Variants in PHACTR2 observed in about 807,000 individuals in gnomAD.
PHACTR2 encodes phosphatase and actin regulator 2.
A neutral mutation model predicts 76.0 loss-of-function variants in PHACTR2; 30 were observed. That is an observed-to-expected ratio of 0.39 (90% CI 0.30 to 0.54). PHACTR2 has a LOEUF of 0.54. Among genes scored for constraint, PHACTR2 ranks in the 20% least tolerant of loss-of-function variants. PHACTR2 has a pLI of 0.61. For missense variants in PHACTR2, 696 were observed against 781.1 expected, an observed-to-expected ratio of 0.89 and a Z score of 1.30; for synonymous variants, 292 against 292.5, an observed-to-expected ratio of 1.00 and a Z score of 0.02.
In PHACTR2 at chr6:143,821,373, A is replaced by T. The variant is rs185301310; in HGVS notation, c.1923-2301A>T. ...ATCAATTCGTGGCCCATCTCATTTC[A>T]CCTGCTCTTATTTTTTAGTTTTTCA... On this transcript the variant is annotated intron_variant, in intron 12 of 12. Transcript: ENST00000440869. The surrounding 1 kb of genome is among the most constrained non-coding windows in gnomAD (Gnocchi z 5.2). Among the ~76,000 whole-genome samples, 61 of 152,290 alleles carry T rather than the reference A, an allele frequency of 4.0e-4. 2 individuals are homozygous for T. The highest frequency in any genetic ancestry group is 3.2e-3 in the Admixed American group (49 of 15,296).
chr6:143,612,489 ACT>A (rs1450009747), intron 1 of PHACTR2, among the ~76,000 whole-genome samples: 1 of 151,902 alleles, frequency 6.6e-6, no homozygotes, highest in African/African-American at 2.4e-5. Flanking sequence ...ATGTTTGCAA[ACT>A]CTATTTTTTG....
rs563443001 is a variant in PHACTR2 at position 143,686,709 on chromosome 6, ACTC to A, written c.46+8503_46+8505del. Among the ~76,000 whole-genome samples, 7 of 151,644 alleles carry A rather than the reference ACTC, an allele frequency of 4.6e-5. No individual in the cohort carries two copies. The South Asian group carries it at 1.5e-3, about 32-fold the overall frequency. On this transcript the variant is annotated intron_variant, in intron 1 of 12. Transcript: ENST00000440869. ...ATCATGTTGGCCAGGCTCGTCTCGA[ACTC>A]CTGACCTCGTGATCCACCTGCCTCG...
At chr6:143,643,199 G>T (rs1344711145) in intron 1 of PHACTR2, among the ~76,000 whole-genome samples, 2 of 151,216 alleles carry the variant, frequency 1.3e-5, no homozygotes, top group Non-Finnish European at 2.9e-5. Context: ...TCTTTTTTTT[G>T]CAAAAAATAT....
upstream of PHACTR2, chr6:143,677,964 C>T: frequency 7.4e-7 from 1 of 1,354,830 alleles, no homozygotes; most frequent in Non-Finnish European, 9.6e-7. Context: ...GAATGACAGG[C>T]ATCCGCTGGG....
At chr6:143,771,205 T>TAC (rs1343840665) in intron 6 of PHACTR2, among the ~76,000 whole-genome samples, 61 of 85,460 alleles carry the variant, frequency 7.1e-4, no homozygotes, top group African/African-American at 2.9e-3. Context: ...TATATATATA[T>TAC]ATATATATAT....
rs1231396233 is a variant in PHACTR2 at position 143,791,620 on chromosome 6, C to A, written c.1845+2710C>A. ...TGCTAGTTCTATTCAGATTTCTGTACCCTTAGTTATTTTTTTGTCAGTTTG... is the reference window on the plus strand; with the variant it reads ...TGCTAGTTCTATTCAGATTTCTGTAACCTTAGTTATTTTTTTGTCAGTTTG... On this transcript the variant is annotated intron_variant, in intron 11 of 12. Coordinates refer to ENST00000440869, the MANE Select transcript of PHACTR2 (RefSeq NM_001100164.2). The surrounding 1 kb of genome is among the most constrained non-coding windows in gnomAD (Gnocchi z 4.7). Among the ~76,000 whole-genome samples, 1 of 152,072 alleles carries A rather than the reference C, an allele frequency of 6.6e-6. No individual in the cohort carries two copies. The highest frequency in any genetic ancestry group is 2.4e-5 in the African/African-American group (1 of 41,504).
Position 143,793,400 on chromosome 6 carries a change from CTT to C in PHACTR2, c.1845+4492_1845+4493del, listed in dbSNP as rs1019376158. Among the ~76,000 whole-genome samples, 19 of 152,090 alleles carry C rather than the reference CTT, an allele frequency of 1.2e-4. No individual in the cohort carries two copies. Among genetic ancestry groups the C allele is most frequent in the African/African-American group, 4.6e-4 (19 of 41,402 alleles). On this transcript the variant is annotated intron_variant, in intron 11 of 12. Transcript: ENST00000440869. The surrounding 1 kb of genome is among the most constrained non-coding windows in gnomAD (Gnocchi z 4.4). ...TCATGAGTGCTTTGAAGGCATATGACTTTGACATCTCCCTTGCAGATCTGAGC... is the reference window on the plus strand; with the variant it reads ...TCATGAGTGCTTTGAAGGCATATGACTGACATCTCCCTTGCAGATCTGAGC...
rs1167716980 is a variant in PHACTR2 at position 143,610,570 on chromosome 6, C to T, written c.13+2248C>T. Among the ~76,000 whole-genome samples, 1 of 152,194 alleles carries T rather than the reference C, an allele frequency of 6.6e-6. No individual in the cohort carries two copies. Among genetic ancestry groups the T allele is most frequent in the African/African-American group, 2.4e-5 (1 of 41,448 alleles). The stretch of plus-strand genomic sequence containing the variant: ...GGGTCCACACAGGTTGAATGTCCCT[C>T]ATTTATTCAAGTCACATAGAACGCT... On this transcript the variant is annotated intron_variant, in intron 1 of 11. Coordinates refer to the PHACTR2 transcript ENST00000305766. The surrounding 1 kb of genome is among the most constrained non-coding windows in gnomAD (Gnocchi z 4.9).
At chr6:143,676,964 A>G (rs896722805), upstream of PHACTR2, among the ~76,000 whole-genome samples, 1 of 146,850 alleles carries the variant, frequency 6.8e-6, no homozygotes, top group African/African-American at 2.7e-5. The surrounding 1 kb of genome is among the most constrained non-coding windows in gnomAD (Gnocchi z 4.8). Flanking sequence ...TAAAAATTTT[A>G]GAAAAAAATG....
At chr6:143,603,413 TAA>T (rs540737549), upstream of PHACTR2, among the ~76,000 whole-genome samples, 4 of 139,252 alleles carry the variant, frequency 2.9e-5, no homozygotes, top group African/African-American at 2.7e-5. Flanking sequence ...TGCTCTGCCT[TAA>T]AAAAAAAAAA....
intron 2 of PHACTR2, among the ~76,000 whole-genome samples, chr6:143,720,454 G>GA (rs1000825866): frequency 9.9e-5 from 15 of 152,074 alleles, no homozygotes; most frequent in African/African-American, 3.6e-4. Context: ...GGAGGGAAGG[G>GA]AAAGCACTGA....
intron 6 of PHACTR2, among the ~76,000 whole-genome samples, chr6:143,771,174 GTATATATATATATATGTGTGTATA>G (rs1775110833): frequency 2.9e-5 from 2 of 68,896 alleles, no homozygotes; most frequent in Admixed American, 3.5e-4. Context: ...ATATATATAT[GTATATATATATATATGTGTGTATA>G]TATATATATA....
Position 143,755,435 on chromosome 6 carries a change from C to A in PHACTR2, c.454+1523C>A. On this transcript the variant is annotated intron_variant, in intron 4 of 12. Coordinates refer to ENST00000440869, the MANE Select transcript of PHACTR2 (RefSeq NM_001100164.2). This position sits in a 1 kb window ranked among gnomAD's most constrained non-coding sequence, Gnocchi z 5.2. ...TGCAGGGTATTCGTCACTGGACTGG[C>A]CAGACATCAAAGGAAGTGTTTCCCT... The A allele has an allele frequency of 2.3e-6, 1 of 439,210 alleles. No homozygotes were observed. Among genetic ancestry groups the A allele is most frequent in the South Asian group, 1.6e-5 (1 of 61,982 alleles). The allele number at this position is 439,210 out of a possible 1,614,324, so 27.2% of individuals were successfully genotyped here.
At chr6:143,661,887 G>A (rs1015846969) in intron 1 of PHACTR2, among the ~76,000 whole-genome samples, 1 of 152,034 alleles carries the variant, frequency 6.6e-6, no homozygotes, top group Non-Finnish European at 1.5e-5. Flanking sequence ...TCTCAAAATT[G>A]CAAGTTCTCT....
rs908134584 is a variant in PHACTR2 at position 143,546,300 on chromosome 6, A to G, written c.217+9093A>G. Among the ~76,000 whole-genome samples the G allele has an allele frequency of 6.6e-5, 10 of 152,062 alleles. No individual in the cohort carries two copies. The highest frequency in any genetic ancestry group is 1.2e-4 in the African/African-American group (5 of 41,400). On this transcript the variant is annotated intron_variant, in intron 1 of 11. Coordinates refer to the PHACTR2 transcript ENST00000367584. The surrounding 1 kb of genome is among the most constrained non-coding windows in gnomAD (Gnocchi z 4.9). The stretch of plus-strand genomic sequence containing the variant: ...TTGCAGTTTCTTGATACCTCTGTGA[A>G]GTCTTGAGAAAGAGTAGCTATTGCT...
In PHACTR2 at chr6:143,652,751, G is replaced by A. The variant is rs79730501; in HGVS notation, c.13+44429G>A. On this transcript the variant is annotated intron_variant, in intron 1 of 11. Coordinates refer to the PHACTR2 transcript ENST00000305766. This position sits in a 1 kb window ranked among gnomAD's most constrained non-coding sequence, Gnocchi z 4.5. ...TCACACCCAGGGGCTGAAATAAGGC[G>A]GAATGCCCACCTGGAGATAAGTCTT... Among the ~76,000 whole-genome samples, 1,736 of 152,304 alleles carry A rather than the reference G, an allele frequency of 0.011. 42 individuals are homozygous for A. The highest frequency in any genetic ancestry group is 0.04 in the African/African-American group (1,646 of 41,552).
chr6:143,678,332 G>GAAACCCCAGAGGT lies in PHACTR2; in HGVS notation c.46+125_46+137dup, dbSNP rs1777300968. The stretch of plus-strand genomic sequence containing the variant: ...GCTCGGACCCGCCAAGTCCCTCGGA[G>GAAACCCCAGAGGT]AAACCCCAGAGGTAGCGCTCGCCAA... On this transcript the variant is annotated intron_variant, in intron 1 of 12. Coordinates refer to ENST00000440869, the MANE Select transcript of PHACTR2 (RefSeq NM_001100164.2). This position sits in a 1 kb window ranked among gnomAD's most constrained non-coding sequence, Gnocchi z 6.2. 1.1e-6 allele frequency: 1 copy of GAAACCCCAGAGGT among 878,456 alleles called. No homozygotes were observed. The highest frequency in any genetic ancestry group is 1.6e-6 in the Non-Finnish European group (1 of 626,114). 54.4% of individuals were successfully genotyped at this position (878,456 alleles called of 1,614,324 possible).
At chr6:143,582,782 A>G (rs1775590362) in intron 1 of PHACTR2, among the ~76,000 whole-genome samples, 1 of 152,228 alleles carries the variant, frequency 6.6e-6, no homozygotes, top group Non-Finnish European at 1.5e-5. Flanking sequence ...TTATTTAGCT[A>G]AACAAAACTA....
intron 1 of PHACTR2, among the ~76,000 whole-genome samples, chr6:143,538,891 T>C (rs1467791328): frequency 6.6e-6 from 1 of 152,228 alleles, no homozygotes; most frequent in African/African-American, 2.4e-5. Context: ...GAATTTGTAT[T>C]GTGAAAAGCA....
Sources: gnomAD v4.1 joint callset for allele counts (sites outside exome capture counted in the v4.1 genomes callset) on GRCh38, gnomAD v4.1.1 for gene constraint, Gnocchi (gnomAD v3.1) non-coding constraint, MANE v1.5 for transcripts, NCBI Gene and HGNC (gene_info 2026-07-23, HGNC 2026-07-21) for gene names.